The following TSPAN14 variants were observed in gnomAD, a reference collection of about 807,000 sequenced individuals.
TSPAN14 encodes the protein tetraspanin 14, also known as tetraspanin-14.
TSPAN14 carries 16 observed loss-of-function variants against 36.6 expected under a neutral mutation model. That is an observed-to-expected ratio of 0.44 (90% confidence interval 0.30 to 0.66). TSPAN14 has a LOEUF of 0.66. Ranked by LOEUF, TSPAN14 falls within the 30% of genes least tolerant of loss-of-function variation. TSPAN14 has a pLI of 0.12. For synonymous variants in TSPAN14, 139 were observed against 143.8 expected (o/e 0.97, Z 0.24); for missense variants, 231 against 355.1 (o/e 0.65, Z 2.81).
At chr10:80,482,248 A>G (rs148948489) in intron 1 of TSPAN14, among the ~76,000 whole-genome samples, 1 of 152,354 alleles carries the variant, frequency 6.6e-6, no homozygotes. Flanking sequence ...AAGCAAATCT[A>G]CAATGCACGG....
At position 80,463,415 on chromosome 10, in the gene TSPAN14, C is replaced by T. The variant is rs147815119; in HGVS notation, c.-18+9044C>T. Among the ~76,000 whole-genome samples the T allele has an allele frequency of 1.9e-3, 285 of 152,290 alleles. 1 individual carries two copies. Among genetic ancestry groups the T allele is most frequent in the African/African-American group, 6.5e-3 (272 of 41,544 alleles). On this transcript the variant is annotated intron_variant, in intron 1 of 8. Transcript: ENST00000429989. ...CCCTTCAGTTCTGCTCCCCTGAGGCCGCTGTCACCAGATGTTCAGTGCCTA... is the reference window on the plus strand; with the variant it reads ...CCCTTCAGTTCTGCTCCCCTGAGGCTGCTGTCACCAGATGTTCAGTGCCTA...
chr10:80,463,731 G>A (rs59532181), intron 1 of TSPAN14, among the ~76,000 whole-genome samples: 2,426 of 152,354 alleles, frequency 0.016, 56 homozygotes, highest in African/African-American at 0.055. Flanking sequence ...TAGTGGAAAT[G>A]ACTAGATGTG....
intron 1 of TSPAN14, among the ~76,000 whole-genome samples, chr10:80,481,975 G>T (rs1256241945): frequency 6.6e-6 from 1 of 152,004 alleles, no homozygotes; most frequent in African/African-American, 2.4e-5. Flanking sequence ...GGATGGTCTC[G>T]ATCTCCTGAC....
intron 1 of TSPAN14, among the ~76,000 whole-genome samples, chr10:80,478,799 A>T (rs535584328): frequency 9.2e-5 from 14 of 152,314 alleles, no homozygotes; most frequent in Admixed American, 3.9e-4. Context: ...AGGCAGGCGG[A>T]TCACTTGAGA....
chr10:80,476,733 G>T (rs1485253417), intron 1 of TSPAN14, among the ~76,000 whole-genome samples: 1 of 151,814 alleles, frequency 6.6e-6, no homozygotes, highest in Admixed American at 6.6e-5. Flanking sequence ...TTTTTGTTTT[G>T]TTTTGTTTTT....
At chr10:80,461,266 G>C (rs1298223361) in intron 1 of TSPAN14, among the ~76,000 whole-genome samples, 1 of 152,150 alleles carries the variant, frequency 6.6e-6, no homozygotes, top group East Asian at 1.9e-4. Context: ...AGCTTTTCAG[G>C]AACCAGGCCC....
chr10:80,471,269 A>G (rs1248788920), intron 1 of TSPAN14, among the ~76,000 whole-genome samples: 1 of 152,052 alleles, frequency 6.6e-6, no homozygotes, highest in Non-Finnish European at 1.5e-5. Flanking sequence ...TCCCACAGCA[A>G]AAGTCTTTTC....
chr10:80,466,865 T>C (rs1846277110), intron 1 of TSPAN14, among the ~76,000 whole-genome samples: 1 of 152,172 alleles, frequency 6.6e-6, no homozygotes, highest in Admixed American at 6.5e-5. Context: ...ATGGAAGATA[T>C]GCATTGTTTA....
At chr10:80,481,408 GCAAA>G (rs1195406263) in intron 1 of TSPAN14, among the ~76,000 whole-genome samples, 1 of 152,180 alleles carries the variant, frequency 6.6e-6, no homozygotes, top group Non-Finnish European at 1.5e-5. Context: ...AGAAAATTAA[GCAAA>G]CAAAACAAGA....
At chr10:80,499,589 G>A (rs1030607009) in intron 2 of TSPAN14, among the ~76,000 whole-genome samples, 1 of 152,146 alleles carries the variant, frequency 6.6e-6, no homozygotes, top group African/African-American at 2.4e-5. Flanking sequence ...GTGTTGCCAG[G>A]GTCAGAGGCA....
chr10:80,494,777 T>TAA (rs1478977280), intron 2 of TSPAN14, among the ~76,000 whole-genome samples: 7 of 152,252 alleles, frequency 4.6e-5, no homozygotes, highest in Admixed American at 1.3e-4. Context: ...AGTGTTTTAA[T>TAA]AATGTATATA....
chr10:80,511,756 CTCTCTCTCTCTCTCT>C lies in TSPAN14; in HGVS notation c.451-387_451-373del, dbSNP rs1564745237. ...TCTCTCTCTCTCTCTCTCTCTCTCT[CTCTCTCTCTCTCTCT>C]CCCCTTTTTTCTTTCTCTCCTTTTC... On this transcript the variant is annotated intron_variant, in intron 5 of 8. Coordinates refer to ENST00000429989, the Ensembl canonical transcript of TSPAN14. Among the ~76,000 whole-genome samples, 406 of 138,448 alleles carry C rather than the reference CTCTCTCTCTCTCTCT, an allele frequency of 2.9e-3. 9 individuals carry two copies. Among genetic ancestry groups the C allele is most frequent in the African/African-American group, 1.0e-2 (364 of 36,480 alleles). 90.8% of individuals were successfully genotyped at this position (138,448 alleles called of 152,430 possible).
exon 1 of TSPAN14, chr10:80,454,319 C>T (rs1247432733): frequency 2.6e-5 from 4 of 151,696 alleles, no homozygotes; most frequent in African/African-American, 9.7e-5. Context: ...GGAACTTGCT[C>T]TAACTTCCTC....
At chr10:80,520,640 TC>T (rs761785660) in exon 9 of TSPAN14, 21 of 533,308 alleles carry the variant, frequency 3.9e-5, no homozygotes, top group Non-Finnish European at 7.7e-5. Context: ...TGTCCCGTCT[TC>T]CTATCGCTGG....
chr10:80,485,523 C>A, intron 1 of TSPAN14: 1 of 558,340 alleles, frequency 1.8e-6, no homozygotes, highest in Non-Finnish European at 2.3e-6. Context: ...TACCCCTCCA[C>A]AGTCAGAAGG....
At chr10:80,467,509 G>A (rs1846308194) in intron 1 of TSPAN14, among the ~76,000 whole-genome samples, 1 of 152,146 alleles carries the variant, frequency 6.6e-6, no homozygotes, top group African/African-American at 2.4e-5. Flanking sequence ...GTGTTGCTCA[G>A]AGGAACTTTG....
At chr10:80,500,197 G>C (rs1327142523) in intron 2 of TSPAN14, among the ~76,000 whole-genome samples, 1 of 152,002 alleles carries the variant, frequency 6.6e-6, no homozygotes, top group African/African-American at 2.4e-5. Flanking sequence ...TCCTGCCCTG[G>C]GCCACTGTTC....
chr10:80,503,456 C>T (rs2132039576), intron 2 of TSPAN14, among the ~76,000 whole-genome samples: 1 of 152,154 alleles, frequency 6.6e-6, no homozygotes, highest in East Asian at 1.9e-4. Flanking sequence ...TCCCCACTGC[C>T]TGACATTTTG....
chr10:80,484,180 G>A (rs1363322092), intron 1 of TSPAN14, among the ~76,000 whole-genome samples: 2 of 151,534 alleles, frequency 1.3e-5, no homozygotes, highest in Non-Finnish European at 2.9e-5. Flanking sequence ...GGGAGGCGGA[G>A]GTTGCAGTGA....
Sources: gnomAD v4.1 joint callset for allele counts (sites outside exome capture counted in the v4.1 genomes callset) on GRCh38, gnomAD v4.1.1 for gene constraint, MANE v1.5 for transcripts, NCBI Gene and HGNC (gene_info 2026-07-23, HGNC 2026-07-21) for gene names.